CD5: variants seen among roughly 807,000 people sequenced by gnomAD.
CD5 encodes the protein CD5 molecule, also known as T-cell surface glycoprotein CD5.
In CD5, 36 loss-of-function variants were observed where a neutral mutation model predicts 60.3. The observed-to-expected ratio is 0.60, with a 90% CI of 0.46 to 0.79. The LOEUF is 0.79. CD5 is among the 30% of genes least tolerant of loss of function. The pLI is 0.00. For synonymous variants in CD5, 230 were observed against 257.6 expected (o/e 0.89, Z 1.03); for missense variants, 540 against 630.6 (o/e 0.86, Z 1.54).
In CD5 at chr11:61,123,902, G is replaced by A. The variant is rs1416998289; in HGVS notation, c.1244G>A (p.Arg415His). ...LVKKFRQKKQ[R>H]QWIGPTGMNQ... ...TGCCCAGTCCGCCAGAAGAAGCAGCGCCAGTGGATTGGCCCAACGGGAATG... is the reference window on the plus strand; with the variant it reads ...TGCCCAGTCCGCCAGAAGAAGCAGCACCAGTGGATTGGCCCAACGGGAATG... Residue 415 changes from arginine (R) to histidine (H), a missense_variant, in exon 8 of 11, where the codon CGC becomes CAC. By Grantham distance (29) the Arg-to-His change is conservative. Coordinates refer to ENST00000347785, the MANE Select transcript of CD5 (RefSeq NM_014207.4). 64 of 1,569,244 alleles carry A rather than the reference G, an allele frequency of 4.1e-5. No individual in the cohort carries two copies. Among genetic ancestry groups the A allele is most frequent in the Non-Finnish European group, 5.0e-5 (58 of 1,151,918 alleles).
chr11:61,119,828 C>T (rs576338594), intron 5 of CD5, among the ~76,000 whole-genome samples: 37 of 152,242 alleles, frequency 2.4e-4, no homozygotes, highest in African/African-American at 8.4e-4. Context: ...TCAGCTGCCA[C>T]ATGGGGAAGG....
rs535506076 is a variant in CD5 at position 61,123,921 on chromosome 11, G to A, written c.1263G>A (p.Thr421=). 51 of 1,606,106 alleles carry A rather than the reference G, an allele frequency of 3.2e-5. No homozygotes were observed. Among genetic ancestry groups the A allele is most frequent in the African/African-American group, 9.4e-5 (7 of 74,562 alleles). Reference sequence around the variant, plus strand: ...AGCAGCGCCAGTGGATTGGCCCAACGGGAATGAACCAAAACAGTAAGTGTC... The same window carrying A: ...AGCAGCGCCAGTGGATTGGCCCAACAGGAATGAACCAAAACAGTAAGTGTC... ...QKKQRQWIGP[T]GMNQNMSFHR... is the part of the protein sequence containing the mutation. Residue 421 remains threonine, a synonymous_variant, in exon 8 of 11, where the codon ACG becomes ACA. Transcript: ENST00000347785.
Position 61,122,986 on chromosome 11 carries a change from G to A in CD5, c.1179G>A (p.Leu393=). 6.2e-7 allele frequency: 1 copy of A among 1,614,074 alleles called. No homozygotes were observed. The highest frequency in any genetic ancestry group is 8.5e-7 in the Non-Finnish European group (1 of 1,179,952). The change falls in exon 7 of 11, where the codon CTG becomes CTA. Residue 393 remains leucine (L), a synonymous_variant. Transcript: ENST00000347785. ...IILALVLLVV[L]LVVCGPLAYK... ...TGGCCCTGGTGCTCCTGGTGGTGCT[G>A]CTGGTCGTGTGCGGCCCCCTTGCCT...
chr11:61,118,873 C>A lies in CD5; in HGVS notation c.401-42C>A. Reference sequence around the variant, plus strand: ...GGCTGCTGGCTGCCCCCGGCCCTCCCCACACCACCCATTCCTCCCTCACCA... The same window carrying A: ...GGCTGCTGGCTGCCCCCGGCCCTCCACACACCACCCATTCCTCCCTCACCA... On this transcript the variant is annotated intron_variant, in intron 3 of 10. Transcript: ENST00000347785. The surrounding 1 kb of genome is among the most constrained non-coding windows in gnomAD (Gnocchi z 4.7). 1 of 1,531,424 alleles carries A rather than the reference C, an allele frequency of 6.5e-7. No homozygotes were observed. The highest frequency in any genetic ancestry group is 9.0e-7 in the Non-Finnish European group (1 of 1,106,510). The allele number at this position is 1,531,424 out of a possible 1,614,324, so 94.9% of individuals were successfully genotyped here.
intron 1 of CD5, among the ~76,000 whole-genome samples, chr11:61,106,282 G>A (rs1860778150): frequency 6.6e-6 from 1 of 152,188 alleles, no homozygotes; most frequent in Admixed American, 6.5e-5. Flanking sequence ...TCTCTAAGGA[G>A]GCGAGGTCTC....
At position 61,127,337 on chromosome 11, in the gene CD5, T is replaced by TC. The variant is rs372811474; in HGVS notation, c.*1055dup. The stretch of plus-strand genomic sequence containing the variant: ...GCCAGGCGCAGCTCACTGCGGCGGC[T>TC]CCCTAAGAAGGTGAAGCAACATGGG... On this transcript the variant is annotated 3_prime_UTR_variant, in exon 11 of 11. Transcript: ENST00000347785. 2.0e-5 allele frequency: 3 copies of TC among 151,522 alleles called. No homozygotes were observed. The highest frequency in any genetic ancestry group is 4.4e-5 in the Non-Finnish European group (3 of 67,810). 9.4% of individuals were successfully genotyped at this position (151,522 alleles called of 1,614,324 possible). A position where few individuals can be genotyped will look rare whatever the true frequency, so the allele number is the denominator to read the frequency against.
chr11:61,099,456 TACACATACATCAACATGGAGATC>T (rs1860627166), upstream of CD5, among the ~76,000 whole-genome samples: 7 of 30,618 alleles, frequency 2.3e-4, no homozygotes, highest in East Asian at 5.5e-3. Context: ...ACATGGAGAT[TACACATACATCAACATGGAGATC>T]ACACACACAT....
In CD5 at chr11:61,115,059, C is replaced by A; in HGVS notation, c.59C>A (p.Ala20Asp). The stretch of plus-strand genomic sequence containing the variant: ...CCCTCCTCTCTTCTTTCTGCAGTCG[C>A]TTCCTGCCTCGGACGGCTCAGCTGG... The part of the protein sequence containing the change: ...ATLYLLGMLV[A>D]SCLGRLSWYD... The change falls in exon 2 of 11, where the codon GCT (alanine) becomes GAT (aspartate). Residue 20 changes from alanine to aspartate, a missense_variant. Physicochemically the swap from Ala to Asp is moderately radical, Grantham distance 126 (BLOSUM62 -2). Coordinates refer to ENST00000347785, the MANE Select transcript of CD5 (RefSeq NM_014207.4). The A allele has an allele frequency of 1.3e-5, 20 of 1,557,458 alleles. No homozygotes were observed. Among genetic ancestry groups the A allele is most frequent in the Non-Finnish European group, 1.7e-5 (20 of 1,149,762 alleles).
At chr11:61,123,838 T>C (rs7106643) in intron 7 of CD5, 46 bp from the exon 8 acceptor site, 744,711 of 993,022 alleles carry the variant, frequency 0.75, 259,311 homozygotes, top group East Asian at 1. Flanking sequence ...CCCCCACCCA[T>C]ACCTGCCCCC....
intron 5 of CD5, among the ~76,000 whole-genome samples, chr11:61,120,526 G>A (rs907210285): frequency 3.3e-5 from 5 of 152,180 alleles, no homozygotes; most frequent in African/African-American, 1.2e-4. Context: ...GGTCACTCTA[G>A]AGCCTGTTAT....
At chr11:61,113,910 TC>T (rs1565184342) in intron 1 of CD5, among the ~76,000 whole-genome samples, 1 of 152,086 alleles carries the variant, frequency 6.6e-6, no homozygotes, top group Non-Finnish European at 1.5e-5. Flanking sequence ...CCTCAAGTGA[TC>T]CCCCCACCTC....
chr11:61,115,020 G>A, intron 1 of CD5, 36 bp from the exon 2 acceptor site: 2 of 1,548,076 alleles, frequency 1.3e-6, no homozygotes, highest in Non-Finnish European at 1.7e-6. Context: ...AGAGTGGGAG[G>A]TTTCACTTCC....
chr11:61,102,992 C>T (rs1860722793), intron 1 of CD5, among the ~76,000 whole-genome samples: 2 of 152,228 alleles, frequency 1.3e-5, no homozygotes, highest in Non-Finnish European at 2.9e-5. Flanking sequence ...CACTGACAGC[C>T]CAGCCTTTAC....
chr11:61,114,016 T>A (rs565072559), intron 1 of CD5, among the ~76,000 whole-genome samples: 41 of 152,238 alleles, frequency 2.7e-4, no homozygotes, highest in Non-Finnish European at 4.4e-4. Context: ...GAGCTCAAAC[T>A]TTTTTGAGTG....
upstream of CD5, among the ~76,000 whole-genome samples, chr11:61,097,501 C>T (rs1376576669): frequency 6.6e-6 from 1 of 152,202 alleles, no homozygotes; most frequent in African/African-American, 2.4e-5. Flanking sequence ...AAGTTGCAAA[C>T]CGTGTGGACC....
In CD5 at chr11:61,107,248, C is replaced by T. The variant is rs117667954; in HGVS notation, c.55+4633C>T. Among the ~76,000 whole-genome samples, 77 of 152,246 alleles carry T rather than the reference C, an allele frequency of 5.1e-4. 1 individual carries two copies. The East Asian group carries it at 0.013, about 26-fold the overall frequency. The stretch of plus-strand genomic sequence containing the variant: ...GTGTGGGACCTGAGGAGAAGCGTTG[C>T]AGGCAGAGGGGCCTCCAGCTGCAGG... On this transcript the variant is annotated intron_variant, in intron 1 of 10. Transcript: ENST00000347785.
upstream of CD5, among the ~76,000 whole-genome samples, chr11:61,097,699 A>G (rs1350693933): frequency 1.3e-5 from 2 of 152,190 alleles, no homozygotes; most frequent in Non-Finnish European, 2.9e-5. Context: ...GCTTCCCGCA[A>G]AAAGAGAAGC....
upstream of CD5, among the ~76,000 whole-genome samples, chr11:61,098,446 AAAG>A (rs200091514): frequency 0.016 from 2,445 of 152,306 alleles, 76 homozygotes; most frequent in African/African-American, 0.054. Flanking sequence ...GCCTCCAAAG[AAAG>A]AAGAAGTAAA....
At chr11:61,122,128 A>C (rs1861069923) in intron 6 of CD5, among the ~76,000 whole-genome samples, 1 of 152,200 alleles carries the variant, frequency 6.6e-6, no homozygotes. Flanking sequence ...CAGGCAGATC[A>C]CTGTCAGGCA....
Sources: allele counts gnomAD v4.1 joint callset (sites outside exome capture counted in the v4.1 genomes callset), GRCh38; gene constraint gnomAD v4.1.1; non-coding constraint Gnocchi (gnomAD v3.1); transcripts MANE v1.5; gene names NCBI Gene and HGNC (gene_info 2026-07-23, HGNC 2026-07-21).